PRR7: variants seen among roughly 807,000 people sequenced by gnomAD.
The protein encoded by PRR7 is proline rich 7, synaptic, also known as proline-rich protein 7.
Under a neutral mutation model 18.5 loss-of-function variants are expected in PRR7, and 8 were observed. The observed-to-expected ratio is 0.43, with a 90% confidence interval of 0.25 to 0.78. PRR7 has a LOEUF of 0.78. Among genes scored for constraint, PRR7 ranks in the 30% least tolerant of loss-of-function variants. The pLI is 0.22. For synonymous variants in PRR7, 221 were observed against 187.7 expected (o/e 1.18, Z -1.45); for missense variants, 396 against 403.1 (o/e 0.98, Z 0.15).
rs1470256329 is a variant in PRR7 at position 177,450,449 on chromosome 5, G to A, written c.-325+3489G>A. Among the ~76,000 whole-genome samples the A allele has an allele frequency of 1.3e-5, 2 of 152,202 alleles. No individual in the cohort carries two copies. The highest frequency in any genetic ancestry group is 4.8e-5 in the African/African-American group (2 of 41,450). On this transcript the variant is annotated intron_variant, in intron 1 of 3. Transcript: ENST00000323249. The surrounding 1 kb of genome is among the most constrained non-coding windows in gnomAD (Gnocchi z 6.6). ...TGGCTCTTCTCTGAGTGACGTTTTG[G>A]TGAATGGCTGACATTTCCCAGGAAT...
In PRR7 at chr5:177,446,925, G is replaced by C. The variant is rs910250818; in HGVS notation, c.-360G>C. 2.6e-5 allele frequency: 4 copies of C among 151,850 alleles called. No homozygotes were observed. The highest frequency in any genetic ancestry group is 9.7e-5 in the African/African-American group (4 of 41,382). 9.4% of individuals were successfully genotyped at this position (151,850 alleles called of 1,614,324 possible). ...GCTGGGCCCGCGCTGCTCGCCCCGA[G>C]CCAGGAGAACGAGCTCGAGGAGGAT... On this transcript the variant is annotated 5_prime_UTR_variant, in exon 1 of 4. Coordinates refer to ENST00000323249, the MANE Select transcript of PRR7 (RefSeq NM_030567.5). This position sits in a 1 kb window ranked among gnomAD's most constrained non-coding sequence, Gnocchi z 5.3.
At position 177,452,923 on chromosome 5, in the gene PRR7, G is replaced by A. The variant is rs373404522; in HGVS notation, c.-324-1033G>A. Among the ~76,000 whole-genome samples, 6 of 152,336 alleles carry A rather than the reference G, an allele frequency of 3.9e-5. 1 individual carries two copies. The highest frequency in any genetic ancestry group is 1.4e-4 in the African/African-American group (6 of 41,588). On this transcript the variant is annotated intron_variant, in intron 1 of 3. Coordinates refer to ENST00000323249, the MANE Select transcript of PRR7 (RefSeq NM_030567.5). ...CGGGCTGGTGATCAGGCATGCCAGG[G>A]CCCTGGTGGGAAGGGATGGGAATGC...
intron 1 of PRR7, chr5:177,448,315 G>C (rs961522926): frequency 2.0e-4 from 31 of 152,352 alleles, no homozygotes; most frequent in East Asian, 7.7e-4. Flanking sequence ...AATTACTCAC[G>C]GGTGCCTTTC....
rs1318944317 is a variant in PRR7, at chr5:177,449,162, G to T, written c.-325+2202G>T. The stretch of plus-strand genomic sequence containing the variant: ...ATCAGAATGTTTTTAAAAATGGATT[G>T]TGAACATGGATTGTTTTTAAAACAT... On this transcript the variant is annotated intron_variant, in intron 1 of 3. Coordinates refer to ENST00000323249, the MANE Select transcript of PRR7 (RefSeq NM_030567.5). This position sits in a 1 kb window ranked among gnomAD's most constrained non-coding sequence, Gnocchi z 4.2. 1.3e-5 allele frequency among the ~76,000 whole-genome samples: 2 copies of T among 152,236 alleles called. No homozygotes were observed. Among genetic ancestry groups the T allele is most frequent in the African/African-American group, 2.4e-5 (1 of 41,460 alleles).
Position 177,454,519 on chromosome 5 carries a change from G to T in PRR7, c.-239-310G>T, listed in dbSNP as rs529870768. Among the ~76,000 whole-genome samples, 11 of 152,320 alleles carry T rather than the reference G, an allele frequency of 7.2e-5. No individual in the cohort carries two copies. In the East Asian group the frequency reaches 1.9e-3, roughly 27 times the overall value. On this transcript the variant is annotated intron_variant, in intron 2 of 3. Coordinates refer to ENST00000323249, the MANE Select transcript of PRR7 (RefSeq NM_030567.5). This position sits in a 1 kb window ranked among gnomAD's most constrained non-coding sequence, Gnocchi z 4.7. Reference sequence around the variant, plus strand: ...GGCTCCTGAAACCCTTTGGCCCCGGGACTGCGGATGGCGAATCTCTCGTTC... The same window carrying T: ...GGCTCCTGAAACCCTTTGGCCCCGGTACTGCGGATGGCGAATCTCTCGTTC...
chr5:177,455,310 T>C lies in PRR7; in HGVS notation c.243T>C (p.Arg81=), dbSNP rs1217324496. 2.0e-6 allele frequency: 3 copies of C among 1,491,774 alleles called. No individual in the cohort carries two copies. Among genetic ancestry groups the C allele is most frequent in the Non-Finnish European group, 2.7e-6 (3 of 1,129,952 alleles). 92.4% of individuals were successfully genotyped at this position (1,491,774 alleles called of 1,614,324 possible). A position where few individuals can be genotyped will look rare whatever the true frequency, so the allele number is the denominator to read the frequency against. The change falls in exon 3 of 4, where the codon CGT becomes CGC. Residue 81 remains arginine, a synonymous_variant. Transcript: ENST00000323249. This position sits in a 1 kb window ranked among gnomAD's most constrained non-coding sequence, Gnocchi z 6.9. ...CGCCGCCGCAGCCACCACCACACCG[T>C]AGCCGCCTGGAGGCGCCGGCTCACG... ...GLAPPQPPPH[R]SRLEAPAHAH... is the part of the protein sequence containing the mutation.
At chr5:177,446,180 G>A (rs996241775), upstream of PRR7, 30 of 152,312 alleles carry the variant, frequency 2.0e-4, no homozygotes, top group African/African-American at 7.2e-4. This position sits in a 1 kb window ranked among gnomAD's most constrained non-coding sequence, Gnocchi z 5.3. Context: ...GCCTCTGCAA[G>A]CTTGGACCTC....
chr5:177,452,433 T>TAG (rs1390277352), intron 1 of PRR7, among the ~76,000 whole-genome samples: 3 of 152,188 alleles, frequency 2.0e-5, no homozygotes, highest in Non-Finnish European at 4.4e-5. Flanking sequence ...CCTGGTCAGG[T>TAG]AGAGCATTTT....
At position 177,456,196 on chromosome 5, in the gene PRR7, A is replaced by G; in HGVS notation, c.*75A>G. 2 of 488,554 alleles carry G rather than the reference A, an allele frequency of 4.1e-6. No homozygotes were observed. The highest frequency in any genetic ancestry group is 2.5e-5 in the South Asian group (1 of 40,482). 30.3% of individuals were successfully genotyped at this position (488,554 alleles called of 1,614,324 possible). On this transcript the variant is annotated 3_prime_UTR_variant, in exon 4 of 4. Coordinates refer to ENST00000323249, the MANE Select transcript of PRR7 (RefSeq NM_030567.5). ...CGGGGCTTTTTAAATGCTTCCCTGG[A>G]CTGCGGGGAGGGGCGGGGGGAGGGA...
chr5:177,456,124 GGGCGCCCGGCGCCCCGGGCCCCACC>G lies in PRR7; in HGVS notation c.*8_*32del. On this transcript the variant is annotated 3_prime_UTR_variant, in exon 4 of 4. Transcript: ENST00000323249. ...TCGGGAGGACTACAGCCGTATAGAG[GGGCGCCCGGCGCCCCGGGCCCCACC>G]GGCGGACTCCTGGCCTGACTGCGGG... is the stretch of plus-strand genomic sequence containing the variant. 1 of 1,434,938 alleles carries G rather than the reference GGGCGCCCGGCGCCCCGGGCCCCACC, an allele frequency of 7.0e-7. No individual in the cohort carries two copies. The highest frequency in any genetic ancestry group is 9.1e-7 in the Non-Finnish European group (1 of 1,102,750). The allele number at this position is 1,434,938 out of a possible 1,614,324, so 88.9% of individuals were successfully genotyped here. A position where few individuals can be genotyped will look rare whatever the true frequency, so the allele number is the denominator to read the frequency against.
intron 1 of PRR7, among the ~76,000 whole-genome samples, chr5:177,448,757 A>G (rs1027119601): frequency 3.3e-5 from 5 of 151,348 alleles, no homozygotes; most frequent in African/African-American, 9.7e-5. Context: ...CCCTCCCTCC[A>G]TTTTCTCCGG....
At chr5:177,452,446 A>G (rs1310465556) in intron 1 of PRR7, among the ~76,000 whole-genome samples, 1 of 152,220 alleles carries the variant, frequency 6.6e-6, no homozygotes, top group Non-Finnish European at 1.5e-5. Context: ...AGCATTTTGA[A>G]AGGTCTGAAT....
At position 177,449,645 on chromosome 5, in the gene PRR7, CTG is replaced by C. The variant is rs1756092061; in HGVS notation, c.-325+2686_-325+2687del. ...AGGTTTCAGAGGAGGAACCTGGTCT[CTG>C]AAAACCCTGCCCTGAGGAGGGCCGG... On this transcript the variant is annotated intron_variant, in intron 1 of 3. Transcript: ENST00000323249. The surrounding 1 kb of genome is among the most constrained non-coding windows in gnomAD (Gnocchi z 4.2). Among the ~76,000 whole-genome samples, 1 of 152,168 alleles carries C rather than the reference CTG, an allele frequency of 6.6e-6. No individual in the cohort carries two copies. Among genetic ancestry groups the C allele is most frequent in the Non-Finnish European group, 1.5e-5 (1 of 68,020 alleles).
chr5:177,452,210 C>A (rs34832217), intron 1 of PRR7, among the ~76,000 whole-genome samples: 1 of 152,172 alleles, frequency 6.6e-6, no homozygotes, highest in Non-Finnish European at 1.5e-5. Context: ...TGCAGGGCAT[C>A]GCTCCGAGCA....
At chr5:177,448,571 G>A (rs1005418747) in intron 1 of PRR7, among the ~76,000 whole-genome samples, 2 of 152,220 alleles carry the variant, frequency 1.3e-5, no homozygotes, top group Non-Finnish European at 2.9e-5. Context: ...AACTTCTCTT[G>A]TAACCCAGGA....
At chr5:177,453,653 G>A (rs1756259893) in intron 1 of PRR7, among the ~76,000 whole-genome samples, 1 of 152,094 alleles carries the variant, frequency 6.6e-6, no homozygotes, top group African/African-American at 2.4e-5. Flanking sequence ...GGTCCGTGGG[G>A]CTCCTGGAAG....
chr5:177,455,926 C>T lies in PRR7; in HGVS notation c.630C>T (p.Tyr210=). Residue 210 remains tyrosine, a synonymous_variant, in exon 4 of 4, where the codon TAC becomes TAT. Transcript: ENST00000323249. This position sits in a 1 kb window ranked among gnomAD's most constrained non-coding sequence, Gnocchi z 6.9. ...SYKPLFLDRG[Y]TSALHLPSAP... Reference sequence around the variant, plus strand: ...AGCCGCTCTTCCTGGACCGGGGCTACACCTCGGCGCTGCACCTGCCCAGCG... The same window carrying T: ...AGCCGCTCTTCCTGGACCGGGGCTATACCTCGGCGCTGCACCTGCCCAGCG... 1 of 1,605,482 alleles carries T rather than the reference C, an allele frequency of 6.2e-7. No individual in the cohort carries two copies. The highest frequency in any genetic ancestry group is 1.3e-5 in the African/African-American group (1 of 74,920).
rs939544206 is a variant in PRR7, at chr5:177,450,505, C to T, written c.-324-3451C>T. Among the ~76,000 whole-genome samples the T allele has an allele frequency of 2.6e-5, 4 of 152,194 alleles. No homozygotes were observed. Among genetic ancestry groups the T allele is most frequent in the Admixed American group, 1.3e-4 (2 of 15,284 alleles). On this transcript the variant is annotated intron_variant, in intron 1 of 3. Coordinates refer to ENST00000323249, the MANE Select transcript of PRR7 (RefSeq NM_030567.5). This position sits in a 1 kb window ranked among gnomAD's most constrained non-coding sequence, Gnocchi z 6.6. ...GGACACAGAGCCAGCCCTTGAGGTA[C>T]TCCCCCGGTCCCACAGCTAAAAGAC...
In PRR7 at chr5:177,454,293, C is replaced by CTGA. The variant is rs781176027; in HGVS notation, c.-240+254_-240+256dup. Among the ~76,000 whole-genome samples the CTGA allele has an allele frequency of 1.3e-5, 2 of 152,224 alleles. No homozygotes were observed. The highest frequency in any genetic ancestry group is 2.9e-5 in the Non-Finnish European group (2 of 68,044). ...CGCATTACCAGTCGGAGCCACCCGC[C>CTGA]TGAGCCCCCCTACGGGAGCGGCGGG... On this transcript the variant is annotated intron_variant, in intron 2 of 3. Transcript: ENST00000323249. The surrounding 1 kb of genome is among the most constrained non-coding windows in gnomAD (Gnocchi z 4.7).
Sources: allele counts gnomAD v4.1 joint callset (sites outside exome capture counted in the v4.1 genomes callset), GRCh38; gene constraint gnomAD v4.1.1; non-coding constraint Gnocchi (gnomAD v3.1); transcripts MANE v1.5; gene names NCBI Gene and HGNC (gene_info 2026-07-23, HGNC 2026-07-21).